LARGE1: variants seen among roughly 807,000 people sequenced by gnomAD.
The protein encoded by LARGE1 is xylosyl- and glucuronyltransferase LARGE1.
In LARGE1, 43 loss-of-function variants were observed where a neutral mutation model predicts 87.6. The observed-to-expected ratio is 0.49, with a 90% CI of 0.38 to 0.63. The LOEUF is 0.63. Ranked by LOEUF, LARGE1 falls within the 30% of genes least tolerant of loss-of-function variation. LARGE1 has a pLI of 0.00. For synonymous variants in LARGE1, 434 were observed against 394.6 expected (o/e 1.10, Z -1.18); for missense variants, 802 against 1,000.2 (o/e 0.80, Z 2.67).
At chr22:33,603,553 A>G (rs1236292493) in intron 5 of LARGE1, among the ~76,000 whole-genome samples, 1 of 152,212 alleles carries the variant, frequency 6.6e-6, no homozygotes, top group Admixed American at 6.5e-5. Flanking sequence ...AGGAGTTGGC[A>G]CTGCAGCTGA....
At chr22:33,336,310 C>T (rs556562504) in intron 10 of LARGE1, among the ~76,000 whole-genome samples, 2 of 152,262 alleles carry the variant, frequency 1.3e-5, no homozygotes, top group East Asian at 1.9e-4. Flanking sequence ...AAGCAATTCT[C>T]CTACCTCAGC....
At chr22:33,432,140 C>T (rs1282617304) in intron 7 of LARGE1, 21 bp downstream of exon 7, 1 of 1,592,088 alleles carries the variant, frequency 6.3e-7, no homozygotes, top group Admixed American at 1.7e-5. Flanking sequence ...CAACTCTTCC[C>T]ATACCACCCT....
At chr22:33,915,040 C>CAGAGAGAG (rs1431046257) in intron 1 of LARGE1, among the ~76,000 whole-genome samples, 5 of 91,566 alleles carry the variant, frequency 5.5e-5, no homozygotes, top group South Asian at 7.7e-4. Flanking sequence ...CACACACACA[C>CAGAGAGAG]ACAGAGAGAG....
At chr22:33,089,363 CTTCTTCTCCTTCTT>C in the LARGE1 span, among the ~76,000 whole-genome samples, 2 of 69,606 alleles carry the variant, frequency 2.9e-5, no homozygotes, top group African/African-American at 6.5e-5. Flanking sequence ...TCTTCTTCTT[CTTCTTCTCCTTCTT>C]CTTCTTCTTC....
At chr22:33,138,269 G>A in the LARGE1 span, among the ~76,000 whole-genome samples, 1 of 152,056 alleles carries the variant, frequency 6.6e-6, no homozygotes, top group African/African-American at 2.4e-5. Context: ...GGACTTATAT[G>A]GGGCCCGTAC....
At chr22:33,214,073 C>G (rs1925090264) in intron 11 of LARGE1, among the ~76,000 whole-genome samples, 1 of 152,124 alleles carries the variant, frequency 6.6e-6, no homozygotes, top group Non-Finnish European at 1.5e-5. Context: ...CATGATCCAC[C>G]TTCTTTATTG....
intron 11 of LARGE1, among the ~76,000 whole-genome samples, chr22:33,250,552 A>T (rs1044269242): frequency 3.3e-5 from 5 of 152,178 alleles, no homozygotes; most frequent in African/African-American, 1.2e-4. Flanking sequence ...TGCCAGTATG[A>T]TGCTGAAAAG....
At chr22:33,581,533 A>C in intron 5 of LARGE1, among the ~76,000 whole-genome samples, 1 of 152,006 alleles carries the variant, frequency 6.6e-6, no homozygotes, top group East Asian at 1.9e-4. Context: ...AGAGAATCTG[A>C]CTGGGCACGG....
intron 1 of LARGE1, among the ~76,000 whole-genome samples, chr22:33,775,130 A>G (rs1017100106): frequency 6.6e-6 from 1 of 152,190 alleles, no homozygotes; most frequent in South Asian, 2.1e-4. Flanking sequence ...CAACTTTTAC[A>G]ATCCATCTGT....
At chr22:33,135,516 C>G in the LARGE1 span, among the ~76,000 whole-genome samples, 2 of 152,150 alleles carry the variant, frequency 1.3e-5, no homozygotes, top group Non-Finnish European at 2.9e-5. Flanking sequence ...TTTTTCTAAA[C>G]CTTCATCATG....
chr22:33,440,746 CA>C (rs1348880255), intron 6 of LARGE1, among the ~76,000 whole-genome samples: 4 of 152,182 alleles, frequency 2.6e-5, no homozygotes, highest in Admixed American at 6.5e-5. Context: ...TGAGAAGATG[CA>C]CACAGAACGA....
chr22:33,251,698 C>G (rs942395456), intron 11 of LARGE1, among the ~76,000 whole-genome samples: 22 of 152,160 alleles, frequency 1.4e-4, no homozygotes, highest in Middle Eastern at 3.2e-3. Context: ...CTTTCAAACC[C>G]CATTGCAAAC....
At chr22:33,142,155 C>T in the LARGE1 span, among the ~76,000 whole-genome samples, 1 of 152,196 alleles carries the variant, frequency 6.6e-6, no homozygotes, top group Non-Finnish European at 1.5e-5. Flanking sequence ...AAACAAAGAT[C>T]AGGCAATGTT....
chr22:33,138,466 C>T, the LARGE1 span, among the ~76,000 whole-genome samples: 1 of 149,046 alleles, frequency 6.7e-6, no homozygotes, highest in African/African-American at 2.5e-5. Context: ...TTTTTTGAGA[C>T]AGAGTCTCAC....
the LARGE1 span, among the ~76,000 whole-genome samples, chr22:33,142,488 T>C: frequency 6.6e-6 from 1 of 152,136 alleles, no homozygotes; most frequent in African/African-American, 2.4e-5. Flanking sequence ...CTTGGGCATA[T>C]TTCCCTCTTA....
At chr22:33,719,799 C>T (rs5749651) in intron 2 of LARGE1, among the ~76,000 whole-genome samples, 36,708 of 151,986 alleles carry the variant, frequency 0.24, 4,867 homozygotes, top group East Asian at 0.39. Context: ...GGATTACAGA[C>T]GTGAGCCACC....
chr22:33,765,707 C>CAAAA lies in LARGE1; in HGVS notation c.-82-4153_-82-4150dup, dbSNP rs33943950. 9.7e-3 allele frequency among the ~76,000 whole-genome samples: 662 copies of CAAAA among 68,368 alleles called. 18 individuals carry two copies. The highest frequency in any genetic ancestry group is 0.014 in the African/African-American group (224 of 16,470). 44.9% of individuals were successfully genotyped at this position (68,368 alleles called of 152,430 possible). A position where few individuals can be genotyped will look rare whatever the true frequency, so the allele number is the denominator to read the frequency against. ...GCAACAAGAGCAAAACTCCATCTCACAAAAAAAAAAAAAAAAAAAAAAGTT... is the reference window on the plus strand; with the variant it reads ...GCAACAAGAGCAAAACTCCATCTCACAAAAAAAAAAAAAAAAAAAAAAAAAAGTT... On this transcript the variant is annotated intron_variant, in intron 1 of 14. Coordinates refer to ENST00000397394, the MANE Select transcript of LARGE1 (RefSeq NM_133642.5).
chr22:33,235,349 G>T (rs1270051484), intron 11 of LARGE1, among the ~76,000 whole-genome samples: 1 of 152,194 alleles, frequency 6.6e-6, no homozygotes, highest in Non-Finnish European at 1.5e-5. Context: ...TTATTTTGAG[G>T]AGGTAATATT....
At chr22:33,920,503 G>T, upstream of LARGE1, 1 of 145,764 alleles carries the variant, frequency 6.9e-6, no homozygotes, top group Non-Finnish European at 1.5e-5. Context: ...GAACGCGGCG[G>T]CGCGGGGGGG....
Sources: gnomAD v4.1 joint callset for allele counts (sites outside exome capture counted in the v4.1 genomes callset) on GRCh38, gnomAD v4.1.1 for gene constraint, MANE v1.5 for transcripts, NCBI Gene and HGNC (gene_info 2026-07-23, HGNC 2026-07-21) for gene names.